MDGA2: variants seen among roughly 807,000 people sequenced by gnomAD.
MDGA2 encodes the protein MAM domain containing glycosylphosphatidylinositol anchor 2.
A neutral mutation model predicts 117.8 loss-of-function variants in MDGA2; 40 were observed. The ratio of observed to expected loss-of-function variants is 0.34; its 90% confidence interval spans 0.26 to 0.44. The LOEUF (loss-of-function observed/expected upper bound fraction) is 0.44. Among genes scored for constraint, MDGA2 ranks in the 20% least tolerant of loss-of-function variants. MDGA2 has a pLI of 1.00. For missense variants in MDGA2, 1,123 were observed against 1,250.6 expected (o/e 0.90, Z 1.54); for synonymous variants, 452 against 439.0 (o/e 1.03, Z -0.37).
intron 2 of MDGA2, among the ~76,000 whole-genome samples, chr14:47,298,379 A>C (rs1466830587): frequency 6.6e-6 from 1 of 152,194 alleles, no homozygotes; most frequent in Admixed American, 6.5e-5. Flanking sequence ...TGTTTACAAT[A>C]CTTTTGGAAA....
At chr14:47,513,534 T>C (rs1894688252) in intron 1 of MDGA2, among the ~76,000 whole-genome samples, 1 of 152,064 alleles carries the variant, frequency 6.6e-6, no homozygotes, top group Admixed American at 6.6e-5. Flanking sequence ...TTTAGTGATT[T>C]TTTTCTACCC....
intron 6 of MDGA2, among the ~76,000 whole-genome samples, chr14:47,064,259 A>G (rs1418792312): frequency 6.6e-6 from 1 of 152,012 alleles, no homozygotes; most frequent in Non-Finnish European, 1.5e-5. Flanking sequence ...ATTTGGCCTA[A>G]GTCAATTGTA....
chr14:47,375,071 C>T (rs1446816405), intron 1 of MDGA2, among the ~76,000 whole-genome samples: 3 of 151,646 alleles, frequency 2.0e-5, no homozygotes, highest in Non-Finnish European at 4.4e-5. Context: ...CTTAACCTTT[C>T]AAAACCTGTT....
At chr14:47,074,303 CTTT>C (rs35598400) in intron 6 of MDGA2, among the ~76,000 whole-genome samples, 1 of 144,964 alleles carries the variant, frequency 6.9e-6, no homozygotes, top group African/African-American at 2.5e-5. Context: ...AGTAACAGAA[CTTT>C]TTTTTTTTTT....
chr14:47,108,368 A>G (rs1389120069), intron 5 of MDGA2, among the ~76,000 whole-genome samples: 1 of 152,238 alleles, frequency 6.6e-6, no homozygotes, highest in East Asian at 1.9e-4. Flanking sequence ...ACTTGCACGT[A>G]TACGCCCAGA....
At chr14:47,271,718 C>G (rs914101909) in intron 2 of MDGA2, among the ~76,000 whole-genome samples, 3 of 151,368 alleles carry the variant, frequency 2.0e-5, no homozygotes, top group African/African-American at 7.4e-5. Flanking sequence ...TAGAAAATAG[C>G]TAAAAAACTT....
Position 46,928,663 on chromosome 14 carries a change from T to G in MDGA2, c.2090-8503A>C, listed in dbSNP as rs577311700. Among the ~76,000 whole-genome samples the G allele has an allele frequency of 5.9e-5, 9 of 152,260 alleles. 1 individual carries two copies. The highest frequency in any genetic ancestry group is 1.9e-4 in the African/African-American group (8 of 41,574). ...GCCCCAGTTTCATCTTCACACACCT[T>G]GATCCCATAAACTAAAATACTTTCC... On this transcript the variant is annotated intron_variant, in intron 9 of 16. Transcript: ENST00000399232.
intron 6 of MDGA2, among the ~76,000 whole-genome samples, chr14:47,080,126 T>C (rs1375814100): frequency 2.0e-5 from 3 of 152,194 alleles, no homozygotes; most frequent in East Asian, 1.9e-4. Context: ...TCTAATTCAA[T>C]TTAACAGATA....
chr14:47,393,595 T>C (rs1367719632), intron 1 of MDGA2, among the ~76,000 whole-genome samples: 1 of 152,126 alleles, frequency 6.6e-6, no homozygotes, highest in Non-Finnish European at 1.5e-5. Flanking sequence ...GCACAGTCTG[T>C]TTCCAAGGAC....
intron 3 of MDGA2, among the ~76,000 whole-genome samples, chr14:47,152,917 G>T (rs1195942049): frequency 6.6e-6 from 1 of 152,042 alleles, no homozygotes; most frequent in Non-Finnish European, 1.5e-5. Context: ...TTCAACAGGG[G>T]CCAAAATTCT....
intron 1 of MDGA2, among the ~76,000 whole-genome samples, chr14:47,411,388 C>T (rs1163106315): frequency 6.6e-6 from 1 of 152,048 alleles, no homozygotes; most frequent in Non-Finnish European, 1.5e-5. Flanking sequence ...TCTAGAATGT[C>T]CTCAAACTCT....
At chr14:47,361,036 A>C (rs563759525) in intron 1 of MDGA2, among the ~76,000 whole-genome samples, 1 of 152,276 alleles carries the variant, frequency 6.6e-6, no homozygotes, top group Admixed American at 6.5e-5. Flanking sequence ...ATAGTCAATC[A>C]TTGCATAATA....
Position 46,841,629 on chromosome 14 carries a change from T to TTTC in MDGA2, c.*301_*302insGAA, listed in dbSNP as rs1280987456. The TTTC allele has an allele frequency of 2.3e-5, 4 of 172,280 alleles. No individual in the cohort carries two copies. The highest frequency in any genetic ancestry group is 4.7e-5 in the Non-Finnish European group (4 of 84,754). 10.7% of individuals were successfully genotyped at this position (172,280 alleles called of 1,614,324 possible). ...GCTCTTTTTTTTTTCTTTTTTTCAT[T>TTTC]TTTTTTTTTTTTTCCAGAGTTCAAC... is the stretch of plus-strand genomic sequence containing the variant. On this transcript the variant is annotated 3_prime_UTR_variant, in exon 17 of 17. Transcript: ENST00000399232.
intron 14 of MDGA2, among the ~76,000 whole-genome samples, chr14:46,867,717 G>A (rs1881831944): frequency 6.6e-6 from 1 of 151,852 alleles, no homozygotes; most frequent in Non-Finnish European, 1.5e-5. Context: ...ATTTTTATTT[G>A]AACAAGTTTT....
chr14:47,450,663 A>G (rs1450473548), intron 1 of MDGA2, among the ~76,000 whole-genome samples: 1 of 152,110 alleles, frequency 6.6e-6, no homozygotes, highest in Non-Finnish European at 1.5e-5. Context: ...ATGCATTAGG[A>G]TCTTCAGGAC....
chr14:47,636,709 C>T (rs1419020449), intron 1 of MDGA2, among the ~76,000 whole-genome samples: 2 of 140,572 alleles, frequency 1.4e-5, no homozygotes, highest in African/African-American at 5.2e-5. Flanking sequence ...GGCGTGAACC[C>T]AGGAGACGAA....
intron 1 of MDGA2, among the ~76,000 whole-genome samples, chr14:47,452,066 T>C (rs1197973936): frequency 1.3e-5 from 2 of 152,096 alleles, no homozygotes; most frequent in Non-Finnish European, 2.9e-5. Context: ...ATGTTTTTAA[T>C]AGCTAAAAAG....
At chr14:47,519,129 C>T (rs145893711) in intron 1 of MDGA2, among the ~76,000 whole-genome samples, 5 of 151,054 alleles carry the variant, frequency 3.3e-5, no homozygotes, top group Admixed American at 1.3e-4. Flanking sequence ...CACTTAGACC[C>T]GGGAGGCGGA....
At chr14:46,883,815 C>T (rs1457667636) in intron 10 of MDGA2, among the ~76,000 whole-genome samples, 1 of 151,970 alleles carries the variant, frequency 6.6e-6, no homozygotes, top group Non-Finnish European at 1.5e-5. Context: ...ATTTTGCTGG[C>T]TTATACAATT....
Sources: allele counts gnomAD v4.1 joint callset (sites outside exome capture counted in the v4.1 genomes callset), GRCh38; gene constraint gnomAD v4.1.1; transcripts MANE v1.5; gene names NCBI Gene and HGNC (gene_info 2026-07-23, HGNC 2026-07-21).